Variants in LRP8 observed in about 807,000 individuals in gnomAD.
The protein encoded by LRP8 is LDL receptor related protein 8.
Under a neutral mutation model 111.6 loss-of-function variants are expected in LRP8, and 46 were observed. The ratio of observed to expected loss-of-function variants is 0.41; its 90% CI spans 0.33 to 0.53. The LOEUF is 0.53. LRP8 is among the 20% of genes least tolerant of loss of function. The pLI is 0.20. For synonymous variants in LRP8, 464 were observed against 511.2 expected (o/e 0.91, Z 1.24); for missense variants, 959 against 1,297.4 (o/e 0.74, Z 4.01).
At chr1:53,261,465 G>A (rs918623710) in intron 12 of LRP8, among the ~76,000 whole-genome samples, 1 of 152,204 alleles carries the variant, frequency 6.6e-6, no homozygotes, top group Admixed American at 6.5e-5. Flanking sequence ...TCCCCTTGGT[G>A]GTGGAGTTAG....
intron 3 of LRP8, among the ~76,000 whole-genome samples, chr1:53,283,410 G>GCATACCCGGGCCACTTACCTACTA (rs1647180917): frequency 6.9e-6 from 1 of 145,288 alleles, no homozygotes; most frequent in Admixed American, 7.1e-5. Context: ...CACATAAGTG[G>GCATACCCGGGCCACTTACCTACTA]CATACCCGGG....
intron 3 of LRP8, among the ~76,000 whole-genome samples, chr1:53,288,707 C>T (rs576723775): frequency 1.3e-5 from 2 of 152,214 alleles, no homozygotes; most frequent in East Asian, 1.9e-4. Flanking sequence ...CCTGGGTCCC[C>T]GCCAGCCCCA....
At chr1:53,284,768 T>C (rs1357934632) in intron 3 of LRP8, among the ~76,000 whole-genome samples, 2 of 152,218 alleles carry the variant, frequency 1.3e-5, no homozygotes, top group Admixed American at 6.5e-5. Context: ...GATTCAGCAG[T>C]GCCTGATAAC....
chr1:53,259,375 G>T (rs535695647), intron 13 of LRP8, among the ~76,000 whole-genome samples: 7 of 152,148 alleles, frequency 4.6e-5, no homozygotes, highest in African/African-American at 1.7e-4. Context: ...GCCTCCCAAA[G>T]TGCTGGAATT....
intron 8 of LRP8, chr1:53,267,647 T>G (rs1471919285): frequency 1.3e-5 from 2 of 152,260 alleles, no homozygotes; most frequent in East Asian, 3.8e-4. Flanking sequence ...ATTATATATA[T>G]GCAGTAGAGA....
At chr1:53,321,711 C>T (rs1654543977) in intron 2 of LRP8, among the ~76,000 whole-genome samples, 1 of 151,908 alleles carries the variant, frequency 6.6e-6, no homozygotes, top group Admixed American at 6.5e-5. Flanking sequence ...CCTGGGAGGG[C>T]CCAAGGGAAA....
rs1647163618 is a variant in LRP8 at position 53,282,979 on chromosome 1, A to G, written c.368-2264T>C. On this transcript the variant is annotated intron_variant, in intron 3 of 18. Coordinates refer to ENST00000306052, the MANE Select transcript of LRP8 (RefSeq NM_004631.5). ...GGGAGGGGAGTCCCAGTTTTTGAACACCTAAGTTGTGTCAGGCTGCTCTGT... is the reference window on the plus strand; with the variant it reads ...GGGAGGGGAGTCCCAGTTTTTGAACGCCTAAGTTGTGTCAGGCTGCTCTGT... Among the ~76,000 whole-genome samples the G allele has an allele frequency of 2.0e-5, 3 of 152,118 alleles. No homozygotes were observed. The South Asian group carries it at 6.2e-4, about 32-fold the overall frequency.
chr1:53,315,903 C>A, intron 2 of LRP8, among the ~76,000 whole-genome samples: 1 of 152,120 alleles, frequency 6.6e-6, no homozygotes, highest in Non-Finnish European at 1.5e-5. Flanking sequence ...AGAGGGGAGA[C>A]ATCAGCACAG....
In LRP8 at chr1:53,242,676, T is replaced by A. The variant is rs1172345588; in HGVS notation, c.*4342A>T. On this transcript the variant is annotated 3_prime_UTR_variant, in exon 19 of 19. Transcript: ENST00000306052. ...GGGGAGACAAACAAGGAGAATCCAC[T>A]TGGGAACAATTTGATGAAGTTTGCA... 2 of 152,114 alleles carry A rather than the reference T, an allele frequency of 1.3e-5. No individual in the cohort carries two copies. The highest frequency in any genetic ancestry group is 1.3e-4 in the Admixed American group (2 of 15,266). The allele number at this position is 152,114 out of a possible 1,614,324, so 9.4% of individuals were successfully genotyped here.
intron 3 of LRP8, among the ~76,000 whole-genome samples, chr1:53,284,250 C>CTTACTACATACCCGGGCCACTTAG (rs1647244439): frequency 6.6e-6 from 1 of 151,434 alleles, no homozygotes; most frequent in East Asian, 2.0e-4. Context: ...GGGCCACTTA[C>CTTACTACATACCCGGGCCACTTAG]TTACTACATA....
chr1:53,277,208 G>A (rs950414403), intron 4 of LRP8, 130 bp from the exon 5 acceptor site: 118 of 1,282,938 alleles, frequency 9.2e-5, no homozygotes, highest in Non-Finnish European at 1.1e-4. Context: ...GGGCTGAATG[G>A]TGGACGTGCA....
Position 53,266,512 on chromosome 1 carries a change from C to T in LRP8, c.1388G>A (p.Arg463His), listed in dbSNP as rs138533791. 1.1e-4 allele frequency: 177 copies of T among 1,614,050 alleles called. No homozygotes were observed. Among genetic ancestry groups the T allele is most frequent in the Non-Finnish European group, 1.4e-4 (160 of 1,180,038 alleles). ...GTAGGAGAGGTCACACCAGTAGATG[C>T]GATTGGTGGCAACTTCCACATCTAG... ...VALDVEVATN[R>H]IYWCDLSYRK... Residue 463 changes from arginine (R) to histidine (H), a missense_variant, in exon 9 of 19, where the codon CGC becomes CAC. By Grantham distance (29) the Arg-to-His change is conservative (BLOSUM62 0). This residue lies in a region of LRP8 where 819 missense variants were observed against 1,097.6 expected (regional missense o/e 0.75). Transcript: ENST00000306052. This position sits in a 1 kb window ranked among gnomAD's most constrained non-coding sequence, Gnocchi z 5.0.
chr1:53,255,679 T>C (rs983588244), intron 15 of LRP8, among the ~76,000 whole-genome samples: 1 of 152,214 alleles, frequency 6.6e-6, no homozygotes, highest in African/African-American at 2.4e-5. Context: ...GGACATAGTA[T>C]AGTGTAGAGG....
rs2297660 is a variant in LRP8 at position 53,266,643 on chromosome 1, G to T, written c.1257C>A (p.Gly419=). Residue 419 remains glycine (G), a synonymous_variant, in exon 9 of 19, where the codon GGC becomes GGA. Coordinates refer to ENST00000306052, the MANE Select transcript of LRP8 (RefSeq NM_004631.5). This position sits in a 1 kb window ranked among gnomAD's most constrained non-coding sequence, Gnocchi z 5.0. ...LLTKNCKAAA[G]KSPSLIFTNR... ...TGGTGAAGATTAGGGATGGGCTCTT[G>T]CCAGCTGTCATGCAGGGAGGTTGAA... 0.39 allele frequency: 635,773 copies of T among 1,612,990 alleles called. 131,104 individuals are homozygous for T. Among genetic ancestry groups the T allele is most frequent in the East Asian group, 0.64 (28,851 of 44,850 alleles).
chr1:53,315,930 A>G (rs1653733210), intron 2 of LRP8, among the ~76,000 whole-genome samples: 2 of 152,140 alleles, frequency 1.3e-5, no homozygotes, highest in African/African-American at 2.4e-5. Flanking sequence ...CAAGGGTGGG[A>G]GAGACCAAGG....
intron 2 of LRP8, among the ~76,000 whole-genome samples, chr1:53,295,852 A>C (rs1357151167): frequency 6.6e-6 from 1 of 152,192 alleles, no homozygotes; most frequent in Non-Finnish European, 1.5e-5. Context: ...AATGAACCAC[A>C]CCTAGGAAAA....
At chr1:53,318,925 T>G (rs1307073846) in intron 2 of LRP8, among the ~76,000 whole-genome samples, 1 of 151,858 alleles carries the variant, frequency 6.6e-6, no homozygotes, top group Non-Finnish European at 1.5e-5. Context: ...TGGTGTGATC[T>G]CGGCTCACTG....
In LRP8 at chr1:53,257,479, C is replaced by G. The variant is rs1217663721; in HGVS notation, c.2210-15G>C. On this transcript the variant is annotated splice_polypyrimidine_tract_variant and intron_variant, in intron 14 of 18. Coordinates refer to ENST00000306052, the MANE Select transcript of LRP8 (RefSeq NM_004631.5). ...AGATTGAGGTGCTGGAGGGGAAATA[C>G]CATGGAGGTCACTTGGACAGATAAT... 1 of 1,600,196 alleles carries G rather than the reference C, an allele frequency of 6.2e-7. No individual in the cohort carries two copies. The highest frequency in any genetic ancestry group is 1.7e-5 in the Admixed American group (1 of 59,838).
At position 53,243,286 on chromosome 1, in the gene LRP8, C is replaced by T. The variant is rs1170980555; in HGVS notation, c.*3732G>A. 2.0e-5 allele frequency: 3 copies of T among 152,120 alleles called. No homozygotes were observed. Among genetic ancestry groups the T allele is most frequent in the African/African-American group, 4.8e-5 (2 of 41,416 alleles). The allele number at this position is 152,120 out of a possible 1,614,324, so 9.4% of individuals were successfully genotyped here. On this transcript the variant is annotated 3_prime_UTR_variant, in exon 19 of 19. Coordinates refer to ENST00000306052, the MANE Select transcript of LRP8 (RefSeq NM_004631.5). ...CCAGACTCAACGTCTTCAACATTTT[C>T]GTTTTTCTTTCTCACAGTTGAGAAA...
Sources: gnomAD v4.1 joint callset for allele counts (sites outside exome capture counted in the v4.1 genomes callset) on GRCh38, gnomAD v4.1.1 for gene constraint, gnomAD v4.1.1 regional missense constraint, Gnocchi (gnomAD v3.1) non-coding constraint, MANE v1.5 for transcripts, NCBI Gene and HGNC (gene_info 2026-07-23, HGNC 2026-07-21) for gene names.